The following PLEKHS1 variants were observed in gnomAD, a reference collection of about 807,000 sequenced individuals.
The protein encoded by PLEKHS1 is pleckstrin homology domain containing S1.
Under a neutral mutation model 51.0 loss-of-function variants are expected in PLEKHS1, and 55 were observed. The ratio of observed to expected loss-of-function variants is 1.08; its 90% CI spans 0.87 to 1.35. The LOEUF (loss-of-function observed/expected upper bound fraction) is 1.35, where lower values mean the gene tolerates loss of function less well. PLEKHS1 is among the 40% of genes most tolerant of loss of function. The pLI is 0.00. For synonymous variants in PLEKHS1, 153 were observed against 144.8 expected (o/e 1.06, Z -0.41); for missense variants, 398 against 423.0 (o/e 0.94, Z 0.52).
intron 2 of PLEKHS1, among the ~76,000 whole-genome samples, chr10:113,761,141 T>C (rs563943409): frequency 1.3e-5 from 2 of 152,186 alleles, no homozygotes; most frequent in African/African-American, 4.8e-5. Flanking sequence ...TTGGCCTATG[T>C]GTCTTATCTG....
intron 5 of PLEKHS1, among the ~76,000 whole-genome samples, chr10:113,767,692 CTTTGAACAACAGAAA>C (rs1288846309): frequency 6.6e-6 from 1 of 152,160 alleles, no homozygotes; most frequent in Non-Finnish European, 1.5e-5. Flanking sequence ...TCCTGGATAA[CTTTGAACAACAGAAA>C]TTTATTGTCT....
chr10:113,769,514 G>A (rs1844304118), intron 6 of PLEKHS1, among the ~76,000 whole-genome samples: 1 of 152,188 alleles, frequency 6.6e-6, no homozygotes, highest in Non-Finnish European at 1.5e-5. Flanking sequence ...AACTGGGGTG[G>A]AGGGTGTCAG....
chr10:113,768,598 C>T (rs548780583), intron 5 of PLEKHS1, among the ~76,000 whole-genome samples: 1 of 152,338 alleles, frequency 6.6e-6, no homozygotes, highest in Admixed American at 6.5e-5. Flanking sequence ...TTCTACTTTT[C>T]TTCCCTTTCT....
intron 9 of PLEKHS1, 42 bp downstream of exon 9, chr10:113,774,375 T>C (rs1844555359): frequency 1.8e-6 from 2 of 1,140,488 alleles, no homozygotes; most frequent in Non-Finnish European, 2.6e-6. Flanking sequence ...TTTGCTCATC[T>C]GCTGTTAAGG....
chr10:113,779,963 T>C (rs1353704547), intron 11 of PLEKHS1, among the ~76,000 whole-genome samples: 1 of 152,220 alleles, frequency 6.6e-6, no homozygotes, highest in Non-Finnish European at 1.5e-5. Flanking sequence ...ACTGCTCTTT[T>C]AAAATTCAAA....
At chr10:113,752,671 C>A (rs1853902827) in intron 1 of PLEKHS1, among the ~76,000 whole-genome samples, 1 of 152,150 alleles carries the variant, frequency 6.6e-6, no homozygotes, top group South Asian at 2.1e-4. Context: ...AATTTAAACC[C>A]AGATGCCAGA....
At chr10:113,768,302 C>A (rs1218819797) in intron 5 of PLEKHS1, among the ~76,000 whole-genome samples, 1 of 152,132 alleles carries the variant, frequency 6.6e-6, no homozygotes, top group Non-Finnish European at 1.5e-5. Context: ...GTGGGAGAGA[C>A]TGTGCAGAGG....
At position 113,769,828 on chromosome 10, in the gene PLEKHS1, C is replaced by T. The variant is rs751007732; in HGVS notation, c.480C>T (p.Ser160=). The T allele has an allele frequency of 8.1e-6, 13 of 1,614,060 alleles. No homozygotes were observed. In the East Asian group the frequency reaches 2.0e-4, roughly 25 times the overall value. The change falls in exon 7 of 12, where the codon AGC becomes AGT. Residue 160 remains serine (S), a synonymous_variant. Coordinates refer to ENST00000361048, the Ensembl canonical transcript of PLEKHS1. Reference sequence around the variant, plus strand: ...ATAAAAGAACCCTCTTCTACTCCAGCCCTCTCCTTGGCCCTTCCAGCACAT... The same window carrying T: ...ATAAAAGAACCCTCTTCTACTCCAGTCCTCTCCTTGGCCCTTCCAGCACAT...
intron 4 of PLEKHS1, 32 bp downstream of exon 4, chr10:113,766,750 A>C (rs748213535): frequency 6.8e-7 from 1 of 1,465,950 alleles, no homozygotes; most frequent in South Asian, 1.2e-5. Flanking sequence ...CTTTTATAAC[A>C]ACAAATACTA....
chr10:113,758,305 T>G (rs541911340), intron 2 of PLEKHS1, among the ~76,000 whole-genome samples: 1 of 152,366 alleles, frequency 6.6e-6, no homozygotes, highest in South Asian at 2.1e-4. Context: ...CTCCTTGATC[T>G]AGGGGCTACA....
At chr10:113,772,202 A>C (rs1016118549) in intron 8 of PLEKHS1, 113 bp downstream of exon 8, 2 of 1,142,038 alleles carry the variant, frequency 1.8e-6, no homozygotes, top group Non-Finnish European at 2.5e-6. Context: ...ACAGAAGTAA[A>C]TCAAATACAG....
At chr10:113,756,327 G>T (rs10885499) in intron 2 of PLEKHS1, among the ~76,000 whole-genome samples, 46,515 of 151,932 alleles carry the variant, frequency 0.31, 7,966 homozygotes, top group Admixed American at 0.45. Context: ...TTTGCTGGGC[G>T]TGGTGCGCCT....
At chr10:113,760,070 C>T (rs1048572068) in intron 2 of PLEKHS1, among the ~76,000 whole-genome samples, 1 of 152,186 alleles carries the variant, frequency 6.6e-6, no homozygotes. Flanking sequence ...CTTTCTATCC[C>T]TATATGTTAG....
At chr10:113,763,176 C>G (rs888166425) in intron 2 of PLEKHS1, among the ~76,000 whole-genome samples, 2 of 151,940 alleles carry the variant, frequency 1.3e-5, no homozygotes, top group Non-Finnish European at 1.5e-5. Flanking sequence ...TTAATTCATC[C>G]CTTTATTATG....
At chr10:113,764,331 C>G (rs369928681) in intron 2 of PLEKHS1, among the ~76,000 whole-genome samples, 2 of 152,286 alleles carry the variant, frequency 1.3e-5, no homozygotes, top group African/African-American at 4.8e-5. Context: ...AACCCCTGAT[C>G]TCAGGAAATC....
At chr10:113,769,567 C>A (rs1844306655) in intron 6 of PLEKHS1, among the ~76,000 whole-genome samples, 1 of 152,130 alleles carries the variant, frequency 6.6e-6, no homozygotes, top group Non-Finnish European at 1.5e-5. Context: ...AAACGCTGGT[C>A]ATCTCTGAGG....
chr10:113,769,967 C>T, intron 7 of PLEKHS1, 67 bp downstream of exon 7: 1 of 1,114,772 alleles, frequency 9.0e-7, no homozygotes, highest in Non-Finnish European at 1.4e-6. Flanking sequence ...AAAATCTTAC[C>T]AATTAGCAAT....
chr10:113,772,041 T>A, exon 8 of PLEKHS1: 1 of 1,613,940 alleles, frequency 6.2e-7, no homozygotes, highest in Non-Finnish European at 8.5e-7. Flanking sequence ...CCACTCAAGA[T>A]GTGAAGGAAG....
intron 11 of PLEKHS1, among the ~76,000 whole-genome samples, chr10:113,779,923 T>C (rs1459169866): frequency 1.3e-5 from 2 of 152,234 alleles, no homozygotes. Context: ...ACTGCCTCCA[T>C]TCCTGATTTC....
Sources: gnomAD v4.1 joint callset for allele counts (sites outside exome capture counted in the v4.1 genomes callset) on GRCh38, gnomAD v4.1.1 for gene constraint, MANE v1.5 for transcripts, NCBI Gene and HGNC (gene_info 2026-07-23, HGNC 2026-07-21) for gene names.